The following EYS variants were observed in gnomAD, a reference collection of about 807,000 sequenced individuals.
The protein encoded by EYS is EGF-like photoreceptor maintenance factor, also known as protein eyes shut homolog.
A neutral mutation model predicts 282.1 loss-of-function variants in EYS; 250 were observed. The observed-to-expected ratio is 0.89, with a 90% CI of 0.80 to 0.98. The LOEUF is 0.98. Among genes scored for constraint, EYS ranks in the 50% least tolerant of loss-of-function variants. The probability of loss-of-function intolerance (pLI) is 0.00; values close to 1 mark genes in which losing one functional copy is unlikely to be tolerated. For missense variants in EYS, 4,016 were observed against 3,709.0 expected (o/e 1.08, Z -2.15); for synonymous variants, 1,355 against 1,282.9 (o/e 1.06, Z -1.20).
intron 30 of EYS, among the ~76,000 whole-genome samples, chr6:64,278,233 T>G (rs890224694): frequency 7.2e-5 from 11 of 152,296 alleles, no homozygotes; most frequent in South Asian, 2.1e-4. Context: ...AGCAGAAAGT[T>G]TATGTAACTG....
At chr6:63,798,000 C>G (rs997844210) in intron 37 of EYS, 3 of 152,232 alleles carry the variant, frequency 2.0e-5, no homozygotes, top group Admixed American at 6.5e-5. Context: ...AGAGATGAGA[C>G]TGTGAAAATA....
intron 35 of EYS, among the ~76,000 whole-genome samples, chr6:63,964,758 CTT>C (rs1257779508): frequency 1.3e-5 from 2 of 152,182 alleles, no homozygotes; most frequent in Non-Finnish European, 2.9e-5. Flanking sequence ...ATACTTTCCT[CTT>C]GTTAGTACAA....
At chr6:65,700,231 C>T (rs1769625259) in intron 1 of EYS, among the ~76,000 whole-genome samples, 1 of 151,710 alleles carries the variant, frequency 6.6e-6, no homozygotes, top group South Asian at 2.1e-4. Context: ...AAGACTGGAC[C>T]CTGGGAGACC....
chr6:65,617,929 C>T (rs1242990574), intron 2 of EYS, among the ~76,000 whole-genome samples: 1 of 151,870 alleles, frequency 6.6e-6, no homozygotes, highest in Non-Finnish European at 1.5e-5. Flanking sequence ...ATATGTGCCA[C>T]ATTTTCTTAA....
intron 42 of EYS, among the ~76,000 whole-genome samples, chr6:63,723,201 CAAAGAA>C (rs772939755): frequency 6.6e-6 from 1 of 151,982 alleles, no homozygotes; most frequent in Admixed American, 6.6e-5. Context: ...AAATTCATAA[CAAAGAA>C]ACTCAGTTTA....
intron 22 of EYS, among the ~76,000 whole-genome samples, chr6:64,641,540 T>C (rs1768153287): frequency 6.6e-6 from 1 of 152,208 alleles, no homozygotes; most frequent in Admixed American, 6.5e-5. Context: ...AATCTCTTGC[T>C]CTCTTTCTCT....
At chr6:64,240,563 T>C (rs986151009) in intron 30 of EYS, among the ~76,000 whole-genome samples, 1 of 152,196 alleles carries the variant, frequency 6.6e-6, no homozygotes, top group Middle Eastern at 3.2e-3. Flanking sequence ...TTGTCTGTTA[T>C]TGGTGTATAG....
intron 12 of EYS, among the ~76,000 whole-genome samples, chr6:65,248,752 T>C (rs934154310): frequency 2.6e-5 from 4 of 152,076 alleles, no homozygotes; most frequent in African/African-American, 7.2e-5. Flanking sequence ...AGATTTGTTG[T>C]GCATGTACAG....
chr6:63,951,011 G>C (rs956939723), intron 35 of EYS, among the ~76,000 whole-genome samples: 1 of 151,974 alleles, frequency 6.6e-6, no homozygotes, highest in Non-Finnish European at 1.5e-5. Context: ...TGATCACCAC[G>C]GGGATGCCTG....
intron 5 of EYS, among the ~76,000 whole-genome samples, chr6:65,442,119 T>A (rs1237070908): frequency 6.6e-6 from 1 of 151,718 alleles, no homozygotes; most frequent in Non-Finnish European, 1.5e-5. Flanking sequence ...ATTGAATTAT[T>A]TGTGTTTTCT....
intron 28 of EYS, chr6:64,412,518 G>C (rs1773936156): frequency 6.6e-6 from 1 of 152,100 alleles, no homozygotes; most frequent in African/African-American, 2.4e-5. Context: ...AGAAGAAAAG[G>C]AGAAGGCATT....
chr6:64,353,075 C>G (rs1234853496), intron 29 of EYS, among the ~76,000 whole-genome samples: 2 of 151,376 alleles, frequency 1.3e-5, no homozygotes, highest in Non-Finnish European at 3.0e-5. Context: ...GAGAATACCT[C>G]CCCCTACACA....
chr6:64,214,413 T>C (rs969494409), intron 31 of EYS, among the ~76,000 whole-genome samples: 20 of 152,124 alleles, frequency 1.3e-4, no homozygotes, highest in Admixed American at 1.3e-3. Flanking sequence ...GCAAAAGACA[T>C]TGTTACTGAA....
At chr6:64,517,834 A>G (rs1349483514) in intron 26 of EYS, among the ~76,000 whole-genome samples, 2 of 151,918 alleles carry the variant, frequency 1.3e-5, no homozygotes, top group Non-Finnish European at 2.9e-5. Context: ...CTTCCCCAGA[A>G]AAGTATCTAC....
intron 12 of EYS, among the ~76,000 whole-genome samples, chr6:65,145,514 A>T (rs949376741): frequency 8.8e-6 from 1 of 113,406 alleles, no homozygotes; most frequent in South Asian, 2.6e-4. Context: ...ATGTAAGAGG[A>T]AAAAAAAAAA....
chr6:65,404,567 T>A (rs1477046576), intron 6 of EYS, among the ~76,000 whole-genome samples: 1 of 151,962 alleles, frequency 6.6e-6, no homozygotes, highest in Non-Finnish European at 1.5e-5. Context: ...CAAATCTTTG[T>A]ATATTGTAGA....
chr6:64,680,035 C>CT (rs1445722183), intron 22 of EYS, among the ~76,000 whole-genome samples: 3 of 151,860 alleles, frequency 2.0e-5, no homozygotes, highest in Non-Finnish European at 4.4e-5. Flanking sequence ...TAAAATAATT[C>CT]TTTTTTTGCA....
intron 30 of EYS, among the ~76,000 whole-genome samples, chr6:64,271,628 T>G (rs922971994): frequency 1.3e-5 from 2 of 152,148 alleles, no homozygotes; most frequent in Non-Finnish European, 2.9e-5. Flanking sequence ...TTCTCTAAAC[T>G]TTAAAACTTT....
intron 14 of EYS, among the ~76,000 whole-genome samples, chr6:64,987,626 G>GA (rs1327061221): frequency 6.6e-6 from 1 of 151,406 alleles, no homozygotes; most frequent in African/African-American, 2.4e-5. Flanking sequence ...AATCTTGGGG[G>GA]AGGCATGACT....
Sources: gnomAD v4.1 joint callset for allele counts (sites outside exome capture counted in the v4.1 genomes callset) on GRCh38, gnomAD v4.1.1 for gene constraint, MANE v1.5 for transcripts, NCBI Gene and HGNC (gene_info 2026-07-23, HGNC 2026-07-21) for gene names.